KCNH5: variants seen among roughly 807,000 people sequenced by gnomAD.
KCNH5 encodes the protein potassium voltage-gated channel subfamily H member 5.
In KCNH5, 46 loss-of-function variants were observed where a neutral mutation model predicts 96.1. The ratio of observed to expected loss-of-function variants is 0.48; its 90% confidence interval spans 0.38 to 0.61. The LOEUF is 0.61. KCNH5 is among the 20% of genes least tolerant of loss of function. The pLI is 0.00. For missense variants in KCNH5, 907 were observed against 1,225.8 expected (o/e 0.74, Z 3.88); for synonymous variants, 439 against 449.8 (o/e 0.98, Z 0.30).
intron 7 of KCNH5, among the ~76,000 whole-genome samples, chr14:62,920,815 A>G (rs564719299): frequency 6.6e-6 from 1 of 152,204 alleles, no homozygotes; most frequent in Non-Finnish European, 1.5e-5. Context: ...CTGAAAATGA[A>G]AATAGAAACA....
At chr14:62,928,178 C>G (rs1257975392) in intron 7 of KCNH5, among the ~76,000 whole-genome samples, 1 of 152,060 alleles carries the variant, frequency 6.6e-6, no homozygotes, top group East Asian at 1.9e-4. Flanking sequence ...GGATAAGCAT[C>G]CAGAAATAAG....
chr14:62,851,749 T>C (rs1566682043), intron 7 of KCNH5, among the ~76,000 whole-genome samples: 2 of 152,142 alleles, frequency 1.3e-5, no homozygotes, highest in Admixed American at 6.5e-5. Flanking sequence ...CTATCATAAA[T>C]TGTCAATAAA....
Position 62,706,411 on chromosome 14 carries a change from G to A in KCNH5, c.*1097C>T, listed in dbSNP as rs1391385412. On this transcript the variant is annotated 3_prime_UTR_variant, in exon 11 of 11. Transcript: ENST00000322893. ...TTGTTTGTTTTACCACATTTCATGTGTTATCACTACAAACACTAGGATTCA... is the reference window on the plus strand; with the variant it reads ...TTGTTTGTTTTACCACATTTCATGTATTATCACTACAAACACTAGGATTCA... 6.6e-6 allele frequency: 1 copy of A among 152,146 alleles called. No individual in the cohort carries two copies. The highest frequency in any genetic ancestry group is 2.4e-5 in the African/African-American group (1 of 41,460). The allele number at this position is 152,146 out of a possible 1,614,324, so 9.4% of individuals were successfully genotyped here.
chr14:63,009,703 G>A (rs1217408448), intron 2 of KCNH5, among the ~76,000 whole-genome samples: 1 of 152,144 alleles, frequency 6.6e-6, no homozygotes, highest in African/African-American at 2.4e-5. Context: ...TTCAGCCAAA[G>A]TTGTCCAAGC....
chr14:62,846,469 A>T (rs562391881), intron 8 of KCNH5, among the ~76,000 whole-genome samples: 1 of 152,120 alleles, frequency 6.6e-6, no homozygotes, highest in South Asian at 2.1e-4. Context: ...AAGATAAATT[A>T]AATATATTCA....
chr14:62,978,473 G>A (rs1325267788), intron 6 of KCNH5, among the ~76,000 whole-genome samples: 2 of 152,002 alleles, frequency 1.3e-5, no homozygotes, highest in East Asian at 3.9e-4. Context: ...AGTAGTCCCA[G>A]CTACTTGGGA....
chr14:62,779,594 G>C, intron 10 of KCNH5, 134 bp downstream of exon 10: 1 of 651,622 alleles, frequency 1.5e-6, no homozygotes, highest in Non-Finnish European at 2.4e-6. Context: ...TAAAGAGAAG[G>C]AAAATTATGC....
At chr14:62,726,525 C>G (rs1042259431) in intron 10 of KCNH5, among the ~76,000 whole-genome samples, 2 of 151,854 alleles carry the variant, frequency 1.3e-5, no homozygotes, top group East Asian at 3.9e-4. Flanking sequence ...ATATATGGGA[C>G]AGTGTTCATC....
intron 2 of KCNH5, among the ~76,000 whole-genome samples, chr14:63,016,187 G>A (rs991244823): frequency 6.6e-6 from 1 of 151,728 alleles, no homozygotes; most frequent in African/African-American, 2.4e-5. Context: ...GAAATATTGT[G>A]AAAAGTTTTA....
chr14:62,984,223 G>A (rs1173515066), intron 5 of KCNH5, among the ~76,000 whole-genome samples: 1 of 152,134 alleles, frequency 6.6e-6, no homozygotes, highest in Non-Finnish European at 1.5e-5. Flanking sequence ...CCTCTCTGAA[G>A]ATCTGAGAGC....
At chr14:62,782,879 A>G (rs1014668373) in intron 9 of KCNH5, among the ~76,000 whole-genome samples, 28 of 152,060 alleles carry the variant, frequency 1.8e-4, no homozygotes, top group Admixed American at 1.4e-3. Flanking sequence ...TAGAAACTCT[A>G]CCTCCTTTTA....
At chr14:62,974,226 T>C (rs1283561525) in intron 6 of KCNH5, among the ~76,000 whole-genome samples, 2 of 152,190 alleles carry the variant, frequency 1.3e-5, no homozygotes, top group Non-Finnish European at 2.9e-5. Flanking sequence ...GTTTATCACT[T>C]ATTAAGACTA....
At position 62,849,783 on chromosome 14, in the gene KCNH5, C is replaced by T. The variant is rs567491628; in HGVS notation, c.1439G>A (p.Arg480Gln). Residue 480 changes from arginine (R) to glutamine (Q), a missense_variant, in exon 8 of 11, where the codon CGA becomes CAA. By Grantham distance (43) the Arg-to-Gln change is conservative (BLOSUM62 1). Around this residue, in one of 6 missense-constraint regions of KCNH5, gnomAD observed 95 missense variants for 111.8 expected, o/e 0.85. Coordinates refer to ENST00000322893, the MANE Select transcript of KCNH5 (RefSeq NM_139318.5). ...IFQQMYANTN[R>Q]YHEMLNNVRD... ...TACATTATTCAGCATCTCATGGTAT[C>T]GGTTGGTGTTGGCATACATTTGCTG... 25 of 1,613,706 alleles carry T rather than the reference C, an allele frequency of 1.5e-5. No individual in the cohort carries two copies. The highest frequency in any genetic ancestry group is 1.5e-4 in the Admixed American group (9 of 59,986).
At chr14:62,861,954 C>G (rs1487124596) in intron 7 of KCNH5, among the ~76,000 whole-genome samples, 1 of 152,074 alleles carries the variant, frequency 6.6e-6, no homozygotes, top group Non-Finnish European at 1.5e-5. Flanking sequence ...ACAACAAGTC[C>G]TCTCTTACTA....
In KCNH5 at chr14:62,935,785, C is replaced by T. The variant is rs139282513; in HGVS notation, c.1369+14348G>A. On this transcript the variant is annotated intron_variant, in intron 7 of 10. Coordinates refer to ENST00000322893, the MANE Select transcript of KCNH5 (RefSeq NM_139318.5). ...CATCCTTTAGAGGACAAAATGGCAG[C>T]TTCAAGGGGCCTTCTGGAGTCAAGA... 2.7e-4 allele frequency among the ~76,000 whole-genome samples: 41 copies of T among 152,324 alleles called. No individual in the cohort carries two copies. In the East Asian group the frequency reaches 7.3e-3, roughly 27 times the overall value.
intron 7 of KCNH5, among the ~76,000 whole-genome samples, chr14:62,853,440 A>G (rs1033312361): frequency 2.3e-5 from 3 of 130,946 alleles, no homozygotes; most frequent in African/African-American, 8.9e-5. Context: ...ATCATTTCCC[A>G]AACAAAAAGA....
intron 8 of KCNH5, among the ~76,000 whole-genome samples, chr14:62,848,342 A>G (rs1887738897): frequency 6.6e-6 from 1 of 152,198 alleles, no homozygotes; most frequent in East Asian, 1.9e-4. Flanking sequence ...ATATTGGCTC[A>G]GATATACATT....
At chr14:62,846,759 TTATTATTGTATTG>T (rs59926408) in intron 8 of KCNH5, among the ~76,000 whole-genome samples, 12,163 of 145,058 alleles carry the variant, frequency 0.084, 780 homozygotes, top group East Asian at 0.24. Flanking sequence ...AAGTCTTTAT[TTATTATTGTATTG>T]TATTATTGTA....
At chr14:62,747,523 T>C (rs949290720) in intron 10 of KCNH5, among the ~76,000 whole-genome samples, 1 of 152,200 alleles carries the variant, frequency 6.6e-6, no homozygotes, top group African/African-American at 2.4e-5. Context: ...AAGGACAGTA[T>C]CTCAGCAGAT....
Sources: allele counts gnomAD v4.1 joint callset (sites outside exome capture counted in the v4.1 genomes callset), GRCh38; gene constraint gnomAD v4.1.1; regional missense constraint gnomAD v4.1.1; transcripts MANE v1.5; gene names NCBI Gene and HGNC (gene_info 2026-07-23, HGNC 2026-07-21).